ARHGAP42: variants seen among roughly 807,000 people sequenced by gnomAD.
ARHGAP42 encodes Rho GTPase activating protein 42.
Under a neutral mutation model 125.0 loss-of-function variants are expected in ARHGAP42, and 63 were observed. The ratio of observed to expected loss-of-function variants is 0.50; its 90% CI spans 0.41 to 0.62. ARHGAP42 has a LOEUF of 0.62. ARHGAP42 is among the 20% of genes least tolerant of loss of function. ARHGAP42 has a pLI of 0.00. For synonymous variants in ARHGAP42, 339 were observed against 351.0 expected (o/e 0.97, Z 0.38); for missense variants, 766 against 1,024.2 (o/e 0.75, Z 3.44).
chr11:100,858,543 T>G (rs17653373), intron 3 of ARHGAP42, among the ~76,000 whole-genome samples: 11,823 of 152,178 alleles, frequency 0.078, 555 homozygotes, highest in Non-Finnish European at 0.11. Context: ...TAAACCAGTT[T>G]GATGAAAATA....
In ARHGAP42 at chr11:100,962,482, A is replaced by G. The variant is rs17095995; in HGVS notation, c.1444+15A>G. On this transcript the variant is annotated intron_variant, in intron 16 of 23. Transcript: ENST00000298815. ...CATTGCTGTTAGTAAGTATACTTGC[A>G]TCATATACACATTATAATTGATGTA... 1.5e-3 allele frequency: 2,342 copies of G among 1,534,960 alleles called. 33 individuals are homozygous for G. In the African/African-American group the frequency reaches 0.028, roughly 18 times the overall value.
At chr11:100,880,758 A>G (rs1405699386) in intron 4 of ARHGAP42, among the ~76,000 whole-genome samples, 1 of 152,088 alleles carries the variant, frequency 6.6e-6, no homozygotes, top group East Asian at 1.9e-4. Context: ...GCCAACATCT[A>G]TTATTTTTTG....
intron 13 of ARHGAP42, 29 bp from the exon 14 acceptor site, chr11:100,960,886 C>A (rs1482414913): frequency 1.4e-6 from 2 of 1,407,938 alleles, no homozygotes; most frequent in East Asian, 5.3e-5. Flanking sequence ...TATCTCAAGC[C>A]GTTTTCTTGT....
chr11:100,906,151 G>GT (rs1346985814), intron 4 of ARHGAP42, among the ~76,000 whole-genome samples: 10 of 152,084 alleles, frequency 6.6e-5, no homozygotes, highest in Non-Finnish European at 1.2e-4. Context: ...AAAAATTCCT[G>GT]TTTTTTCAGA....
intron 2 of ARHGAP42, among the ~76,000 whole-genome samples, chr11:100,773,490 T>C (rs1291425452): frequency 1.3e-5 from 2 of 152,250 alleles, no homozygotes; most frequent in Admixed American, 1.3e-4. Flanking sequence ...AGGTTACTTC[T>C]GGTTGACCCT....
At chr11:100,880,970 T>A (rs1263537328) in intron 4 of ARHGAP42, among the ~76,000 whole-genome samples, 1 of 152,154 alleles carries the variant, frequency 6.6e-6, no homozygotes, top group East Asian at 1.9e-4. Flanking sequence ...TTTGTTTGAC[T>A]TCATTGTAGA....
At position 100,976,129 on chromosome 11, in the gene ARHGAP42, A is replaced by G. The variant is rs1336503778; in HGVS notation, c.1928A>G (p.Glu643Gly). 6.4e-7 allele frequency: 1 copy of G among 1,551,428 alleles called. No homozygotes were observed. Among genetic ancestry groups the G allele is most frequent in the Non-Finnish European group, 8.7e-7 (1 of 1,146,812 alleles). ...GAGTCACTCTCTTCTCATTCCTCTGAACAAAATAGCACTACAAAGTCAGCT... is the reference window on the plus strand; with the variant it reads ...GAGTCACTCTCTTCTCATTCCTCTGGACAAAATAGCACTACAAAGTCAGCT... ...SIESLSSHSSEQNSTTKSASC... is the reference protein window; with the variant it reads ...SIESLSSHSSGQNSTTKSASC... The change falls in exon 20 of 24, where the codon GAA (glutamate) becomes GGA (glycine). Residue 643 changes from glutamate (E) to glycine (G), a missense_variant. By Grantham distance (98) the Glu-to-Gly change is moderately conservative. Around this residue, in one of 3 missense-constraint regions of ARHGAP42, gnomAD observed 308 missense variants for 369.7 expected, o/e 0.83. Transcript: ENST00000298815.
intron 1 of ARHGAP42, among the ~76,000 whole-genome samples, chr11:100,755,254 G>A (rs1862545949): frequency 6.6e-6 from 1 of 152,166 alleles, no homozygotes; most frequent in African/African-American, 2.4e-5. Flanking sequence ...CACAGACCTC[G>A]TAGCAACTGG....
chr11:100,773,614 G>A (rs1474159426), intron 2 of ARHGAP42, among the ~76,000 whole-genome samples: 1 of 152,158 alleles, frequency 6.6e-6, no homozygotes, highest in Non-Finnish European at 1.5e-5. Context: ...AACTGCAGAC[G>A]TAGGGTTTTT....
intron 3 of ARHGAP42, among the ~76,000 whole-genome samples, chr11:100,825,443 A>G (rs1864492005): frequency 6.6e-6 from 1 of 152,212 alleles, no homozygotes; most frequent in South Asian, 2.1e-4. Context: ...GCATTAAATA[A>G]AGTGTTTTGT....
chr11:100,855,051 C>T (rs1277595135), intron 3 of ARHGAP42, among the ~76,000 whole-genome samples: 5 of 152,118 alleles, frequency 3.3e-5, no homozygotes, highest in African/African-American at 1.2e-4. Context: ...GACATCTCAA[C>T]AGGAAATTAT....
At chr11:100,972,976 A>G (rs1021010464) in intron 17 of ARHGAP42, among the ~76,000 whole-genome samples, 199 bp from the exon 18 acceptor site, 1 of 152,172 alleles carries the variant, frequency 6.6e-6, no homozygotes, top group Admixed American at 6.5e-5. Context: ...GCCTGTAATT[A>G]TGTTTTACGT....
chr11:100,706,494 A>G (rs1861484370), intron 1 of ARHGAP42, among the ~76,000 whole-genome samples: 2 of 152,212 alleles, frequency 1.3e-5, no homozygotes, highest in South Asian at 2.1e-4. Context: ...AATGTTATGT[A>G]GACTTACCAG....
chr11:100,836,883 T>G (rs1236973688), intron 3 of ARHGAP42, among the ~76,000 whole-genome samples: 1 of 152,024 alleles, frequency 6.6e-6, no homozygotes, highest in Non-Finnish European at 1.5e-5. Context: ...TATTGATTAC[T>G]TTCTGCTTTC....
At chr11:100,857,312 G>C (rs1446290313) in intron 3 of ARHGAP42, among the ~76,000 whole-genome samples, 3 of 152,044 alleles carry the variant, frequency 2.0e-5, no homozygotes, top group African/African-American at 4.8e-5. Context: ...TTATACTTAG[G>C]CCACAGGGTG....
intron 1 of ARHGAP42, among the ~76,000 whole-genome samples, chr11:100,689,596 T>G (rs1861151949): frequency 6.6e-6 from 1 of 152,250 alleles, no homozygotes; most frequent in Admixed American, 6.5e-5. Flanking sequence ...CATTATAGTT[T>G]TGTTCTTCCA....
chr11:100,910,639 T>C (rs914490857), intron 4 of ARHGAP42, among the ~76,000 whole-genome samples: 4 of 105,890 alleles, frequency 3.8e-5, no homozygotes, highest in Admixed American at 3.8e-4. Context: ...GGGGTTACAT[T>C]ACTAAGTCCA....
intron 3 of ARHGAP42, among the ~76,000 whole-genome samples, chr11:100,822,800 A>G (rs1864433612): frequency 6.6e-6 from 1 of 152,188 alleles, no homozygotes; most frequent in African/African-American, 2.4e-5. Flanking sequence ...ACTTATGACC[A>G]AAGGGTGGGA....
chr11:100,867,917 A>AAG (rs142987970), intron 4 of ARHGAP42, among the ~76,000 whole-genome samples: 1 of 151,836 alleles, frequency 6.6e-6, no homozygotes, highest in Non-Finnish European at 1.5e-5. Context: ...GGGAAGCTGG[A>AAG]AGAGAGAGAG....
Sources: allele counts gnomAD v4.1 joint callset (sites outside exome capture counted in the v4.1 genomes callset), GRCh38; gene constraint gnomAD v4.1.1; regional missense constraint gnomAD v4.1.1; transcripts MANE v1.5; gene names NCBI Gene and HGNC (gene_info 2026-07-23, HGNC 2026-07-21).